The following ASIC4 variants were observed in gnomAD, a reference collection of about 807,000 sequenced individuals.
ASIC4 encodes acid-sensing ion channel 4.
ASIC4 carries 28 observed loss-of-function variants against 53.4 expected under a neutral mutation model. The ratio of observed to expected loss-of-function variants is 0.52; its 90% CI spans 0.39 to 0.72. ASIC4 has a LOEUF of 0.72. ASIC4 is among the 30% of genes least tolerant of loss of function. The pLI is 0.00. For synonymous variants in ASIC4, 289 were observed against 301.4 expected, an observed-to-expected ratio of 0.96 and a Z score of 0.43; for missense variants, 649 against 729.7, an observed-to-expected ratio of 0.89 and a Z score of 1.27.
rs774340449 is a variant in ASIC4 at position 219,537,967 on chromosome 2, G to T, written c.1541G>T (p.Gly514Val). Residue 514 changes from glycine to valine, a missense_variant, in exon 10 of 10, where the codon GGG becomes GTG. Gly to Val is a moderately radical substitution (Grantham distance 109, BLOSUM62 -3). Coordinates refer to ENST00000358078, the MANE Select transcript of ASIC4 (RefSeq NM_018674.6). This position sits in a 1 kb window ranked among gnomAD's most constrained non-coding sequence, Gnocchi z 4.9. Reference sequence around the variant, plus strand: ...CCGAGCCGGGGCCGAGTGGAGGGTGGGGGGGTCAGCAGTCTGCTCCCCAAT... The same window carrying T: ...CCGAGCCGGGGCCGAGTGGAGGGTGTGGGGGTCAGCAGTCTGCTCCCCAAT... ...PCPSRGRVEG[G>V]GVSSLLPNHH... The T allele has an allele frequency of 7.4e-6, 12 of 1,612,260 alleles. No individual in the cohort carries two copies. The highest frequency in any genetic ancestry group is 2.2e-5 in the East Asian group (1 of 44,856).
In ASIC4 at chr2:219,515,243, C is replaced by G; in HGVS notation, c.519C>G (p.Leu173=). Residue 173 remains leucine, a synonymous_variant, in exon 1 of 10, where the codon CTC becomes CTG. Coordinates refer to ENST00000358078, the MANE Select transcript of ASIC4 (RefSeq NM_018674.6). ...TCCTCAACCGCACTGGCCACCAGCTCGCCGACATGCTTAAGAGCTGCAACT... is the reference window on the plus strand; with the variant it reads ...TCCTCAACCGCACTGGCCACCAGCTGGCCGACATGCTTAAGAGCTGCAACT... The part of the protein sequence containing the change: ...VDILNRTGHQ[L]ADMLKSCNFS... The G allele has an allele frequency of 6.2e-7, 1 of 1,614,160 alleles. No individual in the cohort carries two copies.
At chr2:219,533,056 G>A (rs1453234904) in intron 5 of ASIC4, 117 bp downstream of exon 5, 3 of 1,189,208 alleles carry the variant, frequency 2.5e-6, no homozygotes, top group South Asian at 2.4e-5. Flanking sequence ...GTTCTTCCTG[G>A]GGGTTGAGCC....
chr2:219,530,219 A>G (rs111283370), intron 1 of ASIC4, among the ~76,000 whole-genome samples: 3 of 152,208 alleles, frequency 2.0e-5, no homozygotes, highest in African/African-American at 7.2e-5. Context: ...TCTGTTAGGG[A>G]AGCCTGGCAG....
upstream of ASIC4, chr2:219,514,171 C>T: frequency 1.3e-6 from 1 of 775,646 alleles, no homozygotes; most frequent in South Asian, 2.0e-5. Context: ...GATCTGGGGA[C>T]CCAGTGAGCG....
chr2:219,526,224 C>T (rs1287660521), intron 1 of ASIC4, among the ~76,000 whole-genome samples: 2 of 152,166 alleles, frequency 1.3e-5, no homozygotes, highest in South Asian at 4.1e-4. Flanking sequence ...TCAGGAGGAG[C>T]AAGCTCTGGA....
rs763465239 is a variant in ASIC4 at position 219,532,850 on chromosome 2, G to A, written c.1019-33G>A. ...CGTGTGGGGGACAGGGGAAGTGATC[G>A]TAGATTCCAGGAATAATCTTCTCTC... is the stretch of plus-strand genomic sequence containing the variant. On this transcript the variant is annotated intron_variant, in intron 4 of 9. Coordinates refer to ENST00000358078, the MANE Select transcript of ASIC4 (RefSeq NM_018674.6). 9 of 1,597,630 alleles carry A rather than the reference G, an allele frequency of 5.6e-6. No individual in the cohort carries two copies. In the East Asian group the frequency reaches 1.1e-4, roughly 20 times the overall value.
In ASIC4 at chr2:219,537,530, C is replaced by A; in HGVS notation, c.1402-102C>A. 1.8e-6 allele frequency: 2 copies of A among 1,131,300 alleles called. No homozygotes were observed. The highest frequency in any genetic ancestry group is 2.5e-6 in the Non-Finnish European group (2 of 785,614). 70.1% of individuals were successfully genotyped at this position (1,131,300 alleles called of 1,614,324 possible). A position where few individuals can be genotyped will look rare whatever the true frequency, so the allele number is the denominator to read the frequency against. On this transcript the variant is annotated intron_variant, in intron 8 of 9. Coordinates refer to ENST00000358078, the MANE Select transcript of ASIC4 (RefSeq NM_018674.6). This position sits in a 1 kb window ranked among gnomAD's most constrained non-coding sequence, Gnocchi z 4.9. ...AGGAGGGTGTCCTACTGGGAGTTTG[C>A]TGTGGCAGTAAGTCCTGTGGGCAGC...
upstream of ASIC4, among the ~76,000 whole-genome samples, chr2:219,510,090 T>A (rs1197643567): frequency 6.6e-6 from 1 of 151,996 alleles, no homozygotes; most frequent in Non-Finnish European, 1.5e-5. This position sits in a 1 kb window ranked among gnomAD's most constrained non-coding sequence, Gnocchi z 5.2. Flanking sequence ...TCCCCGTCGA[T>A]GACCACCTCT....
chr2:219,532,635 TG>T, intron 4 of ASIC4, 158 bp downstream of exon 4: 1 of 1,088,080 alleles, frequency 9.2e-7, no homozygotes, highest in African/African-American at 1.6e-5. Flanking sequence ...TTTTTAAACA[TG>T]GTTTCACATA....
At chr2:219,533,190 G>T in intron 5 of ASIC4, 1 of 567,972 alleles carries the variant, frequency 1.8e-6, no homozygotes. Context: ...TGAAGGTCTG[G>T]GCTTCTCATC....
At chr2:219,530,381 A>C (rs977353876) in intron 1 of ASIC4, among the ~76,000 whole-genome samples, 1 of 151,852 alleles carries the variant, frequency 6.6e-6, no homozygotes, top group Non-Finnish European at 1.5e-5. Context: ...CTCTCCGCAG[A>C]GGAAAAGGGA....
At chr2:219,531,422 AG>A (rs2125666641) in intron 1 of ASIC4, among the ~76,000 whole-genome samples, 1 of 151,334 alleles carries the variant, frequency 6.6e-6, no homozygotes, top group South Asian at 2.1e-4. Context: ...TGGATGCAGG[AG>A]TGATGGAAGG....
In ASIC4 at chr2:219,514,833, G is replaced by A; in HGVS notation, c.109G>A (p.Ala37Thr). ...QSLLGAVAPG[A>T]APRDLATFAS... ...CCTCCTCGGGGCTGTTGCCCCTGGA[G>A]CAGCCCCCCGAGACCTGGCCACCTT... is the stretch of plus-strand genomic sequence containing the variant. Residue 37 changes from alanine to threonine, a missense_variant, in exon 1 of 10, where the codon GCA (alanine) becomes ACA (threonine). Ala to Thr is a moderately conservative substitution (Grantham distance 58). Transcript: ENST00000358078. 1.2e-6 allele frequency: 2 copies of A among 1,613,262 alleles called. No individual in the cohort carries two copies. The highest frequency in any genetic ancestry group is 1.7e-6 in the Non-Finnish European group (2 of 1,179,946).
chr2:219,528,763 CTCCTG>C (rs1694996557), intron 1 of ASIC4, among the ~76,000 whole-genome samples: 1 of 152,148 alleles, frequency 6.6e-6, no homozygotes, highest in South Asian at 2.1e-4. Context: ...TGGTCTTGAA[CTCCTG>C]ACCTCAAGTG....
At chr2:219,532,589 A>G (rs2125667794) in intron 4 of ASIC4, 112 bp downstream of exon 4, 1 of 1,383,914 alleles carries the variant, frequency 7.2e-7, no homozygotes, top group Non-Finnish European at 9.7e-7. Flanking sequence ...CAACATGTGT[A>G]TGTGTCTGTA....
chr2:219,510,869 C>G (rs181183032), upstream of ASIC4, among the ~76,000 whole-genome samples: 105 of 151,910 alleles, frequency 6.9e-4, no homozygotes, highest in Admixed American at 1.5e-3. This position sits in a 1 kb window ranked among gnomAD's most constrained non-coding sequence, Gnocchi z 5.2. Context: ...TCTCATTAAC[C>G]GCTTCTCCTG....
At chr2:219,519,984 C>T (rs552280810) in intron 1 of ASIC4, among the ~76,000 whole-genome samples, 9 of 152,158 alleles carry the variant, frequency 5.9e-5, no homozygotes, top group African/African-American at 1.9e-4. Flanking sequence ...GTCTTTTCCA[C>T]GCTACTGTCT....
At chr2:219,529,622 G>A (rs1429005231) in intron 1 of ASIC4, among the ~76,000 whole-genome samples, 6 of 152,054 alleles carry the variant, frequency 3.9e-5, no homozygotes, top group African/African-American at 1.4e-4. Flanking sequence ...CTGGAGCCTC[G>A]CCCCTCGATG....
Position 219,515,142 on chromosome 2 carries a change from A to C in ASIC4, c.418A>C (p.Thr140Pro), listed in dbSNP as rs1694764593. ...CGACATCTTCCACCTGGCCAATCTG[A>C]CAGGGCTGCCCCCCAAAGACCGGGA... is the stretch of plus-strand genomic sequence containing the variant. ...DADIFHLANL[T>P]GLPPKDRDGH... Residue 140 changes from threonine (T) to proline (P), a missense_variant, in exon 1 of 10, where the codon ACA (threonine) becomes CCA (proline). Coordinates refer to ENST00000358078, the MANE Select transcript of ASIC4 (RefSeq NM_018674.6). The C allele has an allele frequency of 6.2e-7, 1 of 1,613,996 alleles. No homozygotes were observed. Among genetic ancestry groups the C allele is most frequent in the East Asian group, 2.2e-5 (1 of 44,892 alleles).
Sources: gnomAD v4.1 joint callset for allele counts (sites outside exome capture counted in the v4.1 genomes callset) on GRCh38, gnomAD v4.1.1 for gene constraint, Gnocchi (gnomAD v3.1) non-coding constraint, MANE v1.5 for transcripts, NCBI Gene and HGNC (gene_info 2026-07-23, HGNC 2026-07-21) for gene names.